Variants in DCLK2 observed in about 807,000 individuals in gnomAD.
DCLK2 encodes the protein serine/threonine-protein kinase DCLK2.
A neutral mutation model predicts 78.4 loss-of-function variants in DCLK2; 31 were observed. That is an observed-to-expected ratio of 0.40 (90% CI 0.30 to 0.53). The LOEUF is 0.53. DCLK2 is among the 20% of genes least tolerant of loss of function. The pLI is 0.61. For synonymous variants in DCLK2, 407 were observed against 374.9 expected (o/e 1.09, Z -0.99); for missense variants, 872 against 973.7 (o/e 0.90, Z 1.39).
At chr4:150,197,155 A>C (rs1580699442) in intron 3 of DCLK2, among the ~76,000 whole-genome samples, 2 of 3,532 alleles carry the variant, frequency 5.7e-4, no homozygotes, top group South Asian at 0.021. Context: ...CTCCGTCTCA[A>C]AAAAAAAAAA....
intron 2 of DCLK2, among the ~76,000 whole-genome samples, chr4:150,141,243 C>T (rs532230805): frequency 8.5e-5 from 13 of 152,230 alleles, no homozygotes; most frequent in East Asian, 1.9e-4. Flanking sequence ...TCCCCCAAAT[C>T]GTGACTCATT....
chr4:150,107,599 C>T (rs1731358764), intron 2 of DCLK2, among the ~76,000 whole-genome samples: 1 of 151,902 alleles, frequency 6.6e-6, no homozygotes, highest in Non-Finnish European at 1.5e-5. Flanking sequence ...TGGTCTTGAA[C>T]TCCTGGGCTC....
At chr4:150,192,466 A>G (rs1360346343) in intron 2 of DCLK2, among the ~76,000 whole-genome samples, 1 of 130,660 alleles carries the variant, frequency 7.7e-6, no homozygotes, top group African/African-American at 2.9e-5. Flanking sequence ...GTGACAGAGC[A>G]AGATTGCGTC....
At chr4:150,229,981 C>T (rs147925044) in intron 8 of DCLK2, among the ~76,000 whole-genome samples, 12 of 152,190 alleles carry the variant, frequency 7.9e-5, no homozygotes, top group South Asian at 2.1e-4. Flanking sequence ...ACGTTTGTAA[C>T]GATTTTTATG....
At chr4:150,196,085 A>G (rs569247408) in intron 3 of DCLK2, among the ~76,000 whole-genome samples, 1 of 152,174 alleles carries the variant, frequency 6.6e-6, no homozygotes, top group South Asian at 2.1e-4. Flanking sequence ...CAGTTATTTA[A>G]CTTGTATTGT....
intron 3 of DCLK2, among the ~76,000 whole-genome samples, chr4:150,195,999 A>G (rs547077226): frequency 2.0e-5 from 3 of 152,288 alleles, no homozygotes; most frequent in South Asian, 2.1e-4. Context: ...AAATTTTACA[A>G]TGATTTTACA....
intron 12 of DCLK2, among the ~76,000 whole-genome samples, chr4:150,242,983 T>G (rs566352288): frequency 6.6e-6 from 1 of 152,172 alleles, no homozygotes; most frequent in African/African-American, 2.4e-5. Context: ...TGGAGTTCCC[T>G]TCCCTGGCTA....
intron 2 of DCLK2, among the ~76,000 whole-genome samples, chr4:150,130,962 C>T (rs1364178461): frequency 6.6e-6 from 1 of 152,118 alleles, no homozygotes; most frequent in Non-Finnish European, 1.5e-5. Context: ...TCCTAAGGGG[C>T]CACTAAATGT....
chr4:150,104,393 C>CAAAAAAAAAAAAAA (rs1731091105), intron 2 of DCLK2, among the ~76,000 whole-genome samples: 1 of 8,040 alleles, frequency 1.2e-4, no homozygotes, highest in Non-Finnish European at 2.6e-4. Context: ...ACCACATCTC[C>CAAAAAAAAAAAAAA]TAAAAAAAAA....
At chr4:150,159,331 T>C (rs1417067846) in intron 2 of DCLK2, among the ~76,000 whole-genome samples, 1 of 152,226 alleles carries the variant, frequency 6.6e-6, no homozygotes, top group Admixed American at 6.5e-5. Flanking sequence ...CACACCACTT[T>C]ATGGTACACA....
intron 2 of DCLK2, among the ~76,000 whole-genome samples, chr4:150,152,673 C>T (rs1229419158): frequency 4.6e-5 from 7 of 152,146 alleles, no homozygotes; most frequent in Non-Finnish European, 8.8e-5. Context: ...CTGAGAGAAG[C>T]GGAATGCTGA....
intron 5 of DCLK2, among the ~76,000 whole-genome samples, chr4:150,206,506 G>A (rs1327267529): frequency 6.6e-6 from 1 of 152,118 alleles, no homozygotes; most frequent in Non-Finnish European, 1.5e-5. Context: ...CTATGCCTGA[G>A]GCCTGTGGGC....
At chr4:150,188,103 T>G (rs973049103) in intron 2 of DCLK2, among the ~76,000 whole-genome samples, 6 of 152,148 alleles carry the variant, frequency 3.9e-5, no homozygotes, top group Non-Finnish European at 5.9e-5. Context: ...CTGGCATCAG[T>G]TATATCTTTT....
intron 2 of DCLK2, among the ~76,000 whole-genome samples, chr4:150,188,229 T>C (rs1390315947): frequency 6.6e-6 from 1 of 152,118 alleles, no homozygotes; most frequent in Non-Finnish European, 1.5e-5. Flanking sequence ...ATCCCAACAC[T>C]TTGAGAGGCT....
At chr4:150,201,136 CT>C (rs1739417120) in intron 4 of DCLK2, among the ~76,000 whole-genome samples, 1 of 152,130 alleles carries the variant, frequency 6.6e-6, no homozygotes. Flanking sequence ...ATGATTTTAG[CT>C]TGTGAATCTT....
chr4:150,190,940 C>T (rs1331037178), intron 2 of DCLK2, among the ~76,000 whole-genome samples: 1 of 152,068 alleles, frequency 6.6e-6, no homozygotes, highest in African/African-American at 2.4e-5. Flanking sequence ...TACTTACCTA[C>T]CTACCTACCT....
chr4:150,135,630 C>T (rs1733637471), intron 2 of DCLK2, among the ~76,000 whole-genome samples: 1 of 152,166 alleles, frequency 6.6e-6, no homozygotes, highest in Non-Finnish European at 1.5e-5. Flanking sequence ...CCACACTTAG[C>T]AGGGAAAGCC....
intron 2 of DCLK2, among the ~76,000 whole-genome samples, chr4:150,141,666 A>G (rs1734110810): frequency 1.3e-5 from 2 of 152,182 alleles, no homozygotes; most frequent in Non-Finnish European, 2.9e-5. Flanking sequence ...AATTTTTAAG[A>G]TCTTAAGGAT....
chr4:150,203,868 A>G lies in DCLK2; in HGVS notation c.1035A>G (p.Pro345=), dbSNP rs1465555732. The change falls in exon 5 of 16, where the codon CCA becomes CCG. Residue 345 remains proline (P), a synonymous_variant. Coordinates refer to ENST00000296550, the MANE Select transcript of DCLK2 (RefSeq NM_001040260.4). ...TKSSSSSPTS[P]GSFRGLKQIS... ...CCTCCAGTTCCTCTCCAACTAGTCC[A>G]GGAAGTTTCAGAGGATTAAAGGTAT... is the stretch of plus-strand genomic sequence containing the variant. 8.7e-6 allele frequency: 14 copies of G among 1,613,512 alleles called. No individual in the cohort carries two copies. Among genetic ancestry groups the G allele is most frequent in the African/African-American group, 1.3e-5 (1 of 74,926 alleles).
Sources: allele counts gnomAD v4.1 joint callset (sites outside exome capture counted in the v4.1 genomes callset), GRCh38; gene constraint gnomAD v4.1.1; transcripts MANE v1.5; gene names NCBI Gene and HGNC (gene_info 2026-07-23, HGNC 2026-07-21).